SORCS3: variants seen among roughly 807,000 people sequenced by gnomAD.
The protein encoded by SORCS3 is VPS10 domain-containing receptor SorCS3.
Under a neutral mutation model 146.3 loss-of-function variants are expected in SORCS3, and 57 were observed. The ratio of observed to expected loss-of-function variants is 0.39; its 90% confidence interval spans 0.31 to 0.49. SORCS3 has a LOEUF of 0.49. SORCS3 is among the 20% of genes least tolerant of loss of function. SORCS3 has a pLI of 0.92. For synonymous variants in SORCS3, 653 were observed against 618.5 expected (o/e 1.06, Z -0.83); for missense variants, 1,341 against 1,575.5 (o/e 0.85, Z 2.52).
chr10:105,058,796 A>G lies in SORCS3; in HGVS notation c.1028+15668A>G, dbSNP rs376141642. ...GCAGTGAATACCTGAGGTGCTTGCTAAAAATGCAGACTCTAGATAGAAGGA... is the reference window on the plus strand; with the variant it reads ...GCAGTGAATACCTGAGGTGCTTGCTGAAAATGCAGACTCTAGATAGAAGGA... On this transcript the variant is annotated intron_variant, in intron 5 of 26. Coordinates refer to ENST00000369701, the MANE Select transcript of SORCS3 (RefSeq NM_014978.3). Among the ~76,000 whole-genome samples the G allele has an allele frequency of 7.2e-5, 11 of 152,178 alleles. No homozygotes were observed. In the East Asian group the frequency reaches 1.4e-3, roughly 19 times the overall value.
At chr10:104,822,020 C>CT (rs1207928786) in intron 1 of SORCS3, 1 of 499,984 alleles carries the variant, frequency 2.0e-6, no homozygotes, top group Non-Finnish European at 4.0e-6. Flanking sequence ...TTCATACCAT[C>CT]TCAGCCTACT....
intron 5 of SORCS3, among the ~76,000 whole-genome samples, chr10:105,059,330 T>C (rs1457212587): frequency 6.6e-6 from 1 of 152,214 alleles, no homozygotes; most frequent in African/African-American, 2.4e-5. Context: ...GATGAGATAA[T>C]ATACTTCCGT....
intron 5 of SORCS3, among the ~76,000 whole-genome samples, chr10:105,087,142 C>T (rs903052148): frequency 6.6e-6 from 1 of 152,156 alleles, no homozygotes; most frequent in Non-Finnish European, 1.5e-5. Context: ...CTGTTTTCTG[C>T]ATGTGGCTCG....
At chr10:104,805,961 C>T (rs1285764308) in intron 1 of SORCS3, among the ~76,000 whole-genome samples, 1 of 152,192 alleles carries the variant, frequency 6.6e-6, no homozygotes, top group Non-Finnish European at 1.5e-5. Flanking sequence ...TATCCTGCTT[C>T]TCTTCTTACA....
At chr10:105,204,356 C>T (rs2056590081) in intron 16 of SORCS3, among the ~76,000 whole-genome samples, 1 of 151,978 alleles carries the variant, frequency 6.6e-6, no homozygotes, top group Non-Finnish European at 1.5e-5. Flanking sequence ...ATTCATTTTG[C>T]TTCAGAAAAA....
chr10:105,042,904 C>A, intron 4 of SORCS3, 151 bp from the exon 5 acceptor site: 1 of 646,686 alleles, frequency 1.5e-6, no homozygotes, highest in Non-Finnish European at 2.8e-6. Flanking sequence ...CCATGATAAG[C>A]AGTCATATTC....
intron 5 of SORCS3, among the ~76,000 whole-genome samples, chr10:105,048,049 G>A (rs2055385934): frequency 6.6e-6 from 1 of 152,036 alleles, no homozygotes; most frequent in South Asian, 2.1e-4. Flanking sequence ...TGCTAGAGAG[G>A]ATGTGGAGAA....
At chr10:104,815,381 G>A (rs2017784864) in intron 1 of SORCS3, among the ~76,000 whole-genome samples, 1 of 134,592 alleles carries the variant, frequency 7.4e-6, no homozygotes, top group South Asian at 2.4e-4. Context: ...CCCAGGAGAC[G>A]AAGGTGGCAG....
intron 4 of SORCS3, among the ~76,000 whole-genome samples, chr10:105,016,540 C>T (rs2055169005): frequency 6.6e-6 from 1 of 152,032 alleles, no homozygotes; most frequent in African/African-American, 2.4e-5. Flanking sequence ...TGAAAGGGCT[C>T]AGCACCATGT....
At chr10:105,048,055 G>A (rs2055385985) in intron 5 of SORCS3, among the ~76,000 whole-genome samples, 2 of 152,042 alleles carry the variant, frequency 1.3e-5, no homozygotes, top group African/African-American at 4.8e-5. Context: ...AGAGGATGTG[G>A]AGAAATAGGA....
intron 9 of SORCS3, among the ~76,000 whole-genome samples, chr10:105,156,769 A>G (rs2056212837): frequency 6.6e-6 from 1 of 152,166 alleles, no homozygotes; most frequent in Non-Finnish European, 1.5e-5. Context: ...TCTTCTGAGC[A>G]GAAAAACATG....
intron 2 of SORCS3, among the ~76,000 whole-genome samples, chr10:104,903,214 T>A (rs558688656): frequency 1.1e-3 from 167 of 152,322 alleles, no homozygotes; most frequent in African/African-American, 3.9e-3. Flanking sequence ...TTCAGTGAAC[T>A]GCTTTAAGAG....
intron 7 of SORCS3, among the ~76,000 whole-genome samples, chr10:105,136,586 A>G (rs1266508635): frequency 6.6e-6 from 1 of 152,226 alleles, no homozygotes; most frequent in African/African-American, 2.4e-5. Context: ...TGAAAGTGCT[A>G]TAGAAATGAA....
chr10:105,167,447 A>C, intron 13 of SORCS3, 98 bp downstream of exon 13: 1 of 807,638 alleles, frequency 1.2e-6, no homozygotes, highest in Non-Finnish European at 2.0e-6. Context: ...ACCCATTTGT[A>C]CATTTCCTCA....
intron 2 of SORCS3, among the ~76,000 whole-genome samples, chr10:104,902,631 C>T (rs1022982521): frequency 2.9e-4 from 44 of 152,200 alleles, no homozygotes; most frequent in Non-Finnish European, 4.4e-5. Context: ...TGGCTGTCTT[C>T]ATCTTGTGAA....
chr10:104,876,309 G>T (rs1486399314), intron 2 of SORCS3, among the ~76,000 whole-genome samples: 1 of 152,144 alleles, frequency 6.6e-6, no homozygotes, highest in African/African-American at 2.4e-5. Flanking sequence ...ATGGAGGATG[G>T]TACTTATTTT....
chr10:104,663,769 A>G (rs74155013), intron 1 of SORCS3, among the ~76,000 whole-genome samples: 1 of 152,118 alleles, frequency 6.6e-6, no homozygotes, highest in Admixed American at 6.5e-5. Context: ...GAACACATGC[A>G]TGCTGCTGCT....
intron 1 of SORCS3, among the ~76,000 whole-genome samples, chr10:104,721,724 A>G: frequency 6.6e-6 from 1 of 151,870 alleles, no homozygotes; most frequent in Non-Finnish European, 1.5e-5. Context: ...TAGGTATTTT[A>G]TCCTCTTTGA....
At chr10:105,230,129 G>A (rs1197855561) in intron 20 of SORCS3, among the ~76,000 whole-genome samples, 2 of 152,096 alleles carry the variant, frequency 1.3e-5, no homozygotes, top group African/African-American at 2.4e-5. Context: ...TCTGGGAGGA[G>A]TGCTGAGGTA....
Sources: gnomAD v4.1 joint callset for allele counts (sites outside exome capture counted in the v4.1 genomes callset) on GRCh38, gnomAD v4.1.1 for gene constraint, MANE v1.5 for transcripts, NCBI Gene and HGNC (gene_info 2026-07-23, HGNC 2026-07-21) for gene names.